The following NCAM2 variants were observed in gnomAD, a reference collection of about 807,000 sequenced individuals.
NCAM2 encodes the protein N-CAM-2.
A neutral mutation model predicts 98.1 loss-of-function variants in NCAM2; 30 were observed. The observed-to-expected ratio is 0.31, with a 90% CI of 0.23 to 0.41. The LOEUF (loss-of-function observed/expected upper bound fraction) is 0.41. NCAM2 is among the 10% of genes least tolerant of loss of function. NCAM2 has a pLI of 1.00. For missense variants in NCAM2, 867 were observed against 1,005.8 expected (o/e 0.86, Z 1.87); for synonymous variants, 368 against 342.4 (o/e 1.07, Z -0.83).
chr21:21,437,462 C>T (rs1358132112), intron 12 of NCAM2, among the ~76,000 whole-genome samples: 1 of 92,830 alleles, frequency 1.1e-5, no homozygotes, highest in Non-Finnish European at 2.2e-5. Flanking sequence ...TATCCAATCC[C>T]CCACCAAGAT....
chr21:21,083,822 C>T (rs1351238103), intron 1 of NCAM2, among the ~76,000 whole-genome samples: 1 of 152,156 alleles, frequency 6.6e-6, no homozygotes, highest in East Asian at 1.9e-4. Context: ...CTCCCAATGA[C>T]AGCATTTTGG....
chr21:21,157,762 G>T (rs2067659906), intron 1 of NCAM2, among the ~76,000 whole-genome samples: 1 of 152,058 alleles, frequency 6.6e-6, no homozygotes, highest in South Asian at 2.1e-4. Context: ...ACCATGACAG[G>T]TGAAGTTTAA....
chr21:21,234,511 AAG>A (rs2070744701), intron 1 of NCAM2, among the ~76,000 whole-genome samples: 1 of 151,966 alleles, frequency 6.6e-6, no homozygotes, highest in Non-Finnish European at 1.5e-5. Flanking sequence ...CTCTTTTCTT[AAG>A]AGAGTGTTGA....
rs9974050 is a variant in NCAM2, at chr21:21,517,908, T to A, written c.2282+8853T>A. Among the ~76,000 whole-genome samples, 1,016 of 152,224 alleles carry A rather than the reference T, an allele frequency of 6.7e-3. 10 individuals are homozygous for A. The highest frequency in any genetic ancestry group is 0.023 in the African/African-American group (976 of 41,546). ...GTAAGAGAGTACCATTTTCAGCCTATTTTTAAGTAGCTGTGAAAAGATTCC... is the reference window on the plus strand; with the variant it reads ...GTAAGAGAGTACCATTTTCAGCCTAATTTTAAGTAGCTGTGAAAAGATTCC... On this transcript the variant is annotated intron_variant, in intron 16 of 17. Transcript: ENST00000400546.
chr21:21,041,511 A>G (rs531625921), intron 1 of NCAM2, among the ~76,000 whole-genome samples: 1 of 152,294 alleles, frequency 6.6e-6, no homozygotes, highest in Admixed American at 6.5e-5. Context: ...TCTTTAAACC[A>G]TTACCTCGTA....
At chr21:21,458,469 C>A (rs1248329281) in intron 12 of NCAM2, among the ~76,000 whole-genome samples, 2 of 152,190 alleles carry the variant, frequency 1.3e-5, no homozygotes, top group Non-Finnish European at 2.9e-5. Context: ...CACTTAGGGG[C>A]AGTGTGGGAG....
intron 1 of NCAM2, among the ~76,000 whole-genome samples, chr21:21,029,147 G>A (rs1894738760): frequency 6.6e-6 from 1 of 152,112 alleles, no homozygotes; most frequent in Non-Finnish European, 1.5e-5. Context: ...CATATAAACT[G>A]TTCATTAACA....
intron 1 of NCAM2, among the ~76,000 whole-genome samples, chr21:21,103,567 C>G (rs1016778439): frequency 1.3e-5 from 2 of 152,012 alleles, no homozygotes; most frequent in Admixed American, 6.6e-5. Flanking sequence ...AGAGTTTGCA[C>G]TAAATGAACT....
chr21:21,252,536 AG>A (rs1000969460), intron 1 of NCAM2, among the ~76,000 whole-genome samples: 8 of 152,068 alleles, frequency 5.3e-5, no homozygotes, highest in African/African-American at 1.7e-4. Context: ...GAGCTACGAA[AG>A]AAAATTTTTC....
intron 5 of NCAM2, among the ~76,000 whole-genome samples, chr21:21,317,074 C>G (rs181322975): frequency 1.4e-3 from 219 of 152,256 alleles, no homozygotes; most frequent in African/African-American, 5.1e-3. Flanking sequence ...ATACAAGACA[C>G]CAAGCCCACA....
At chr21:21,273,526 C>T (rs2147447941) in intron 1 of NCAM2, among the ~76,000 whole-genome samples, 1 of 151,982 alleles carries the variant, frequency 6.6e-6, no homozygotes, top group Admixed American at 6.6e-5. Flanking sequence ...GTATCTCATT[C>T]TTAAGTAAAA....
intron 1 of NCAM2, among the ~76,000 whole-genome samples, chr21:21,092,915 A>C (rs1461461992): frequency 1.3e-5 from 2 of 152,102 alleles, no homozygotes; most frequent in Non-Finnish European, 2.9e-5. Flanking sequence ...AACAAAGCTA[A>C]CAATGTAAGT....
intron 1 of NCAM2, among the ~76,000 whole-genome samples, chr21:21,144,216 G>A (rs2146668055): frequency 6.6e-6 from 1 of 152,012 alleles, no homozygotes; most frequent in African/African-American, 2.4e-5. Flanking sequence ...AGGTGTGGTG[G>A]TGCATGCCTG....
intron 12 of NCAM2, among the ~76,000 whole-genome samples, chr21:21,458,881 A>T (rs1000921228): frequency 8.5e-5 from 13 of 152,200 alleles, no homozygotes; most frequent in Non-Finnish European, 1.8e-4. Context: ...TCCGCACATA[A>T]AAGGAAACAA....
At chr21:21,511,860 T>G (rs927230896) in intron 16 of NCAM2, among the ~76,000 whole-genome samples, 3 of 152,030 alleles carry the variant, frequency 2.0e-5, no homozygotes, top group African/African-American at 7.2e-5. Flanking sequence ...GCTGAGCATT[T>G]TTTGTATACT....
In NCAM2 at chr21:21,466,666, T is replaced by A. The variant is rs1296866241; in HGVS notation, c.1715T>A (p.Val572Glu). 6.2e-7 allele frequency: 1 copy of A among 1,610,500 alleles called. No individual in the cohort carries two copies. Among genetic ancestry groups the A allele is most frequent in the South Asian group, 1.1e-5 (1 of 90,854 alleles). The change falls in exon 13 of 18, where the codon GTA becomes GAA. Residue 572 changes from valine (V) to glutamate (E), a missense_variant. Coordinates refer to ENST00000400546, the MANE Select transcript of NCAM2 (RefSeq NM_004540.5). Reference protein sequence around the residue: ...NTTYEIRVAAVNGKGQGDYSK... With the variant: ...NTTYEIRVAAENGKGQGDYSK... The stretch of plus-strand genomic sequence containing the variant: ...ACTTATGAAATCAGGGTTGCAGCTG[T>A]AAATGGAAAGGGACAAGGAGACTAC...
At chr21:21,186,347 T>C (rs1050570326) in intron 1 of NCAM2, among the ~76,000 whole-genome samples, 3 of 152,102 alleles carry the variant, frequency 2.0e-5, no homozygotes, top group Non-Finnish European at 4.4e-5. Context: ...ATGTTTCAAG[T>C]TTACATTTGA....
chr21:21,259,787 C>G (rs568946980), intron 1 of NCAM2, among the ~76,000 whole-genome samples: 86 of 152,116 alleles, frequency 5.7e-4, no homozygotes, highest in African/African-American at 2.0e-3. Context: ...CCAAAACACT[C>G]ATTACAGAGC....
chr21:21,299,934 C>T (rs1601907697), intron 5 of NCAM2, among the ~76,000 whole-genome samples: 1 of 151,862 alleles, frequency 6.6e-6, no homozygotes, highest in Non-Finnish European at 1.5e-5. Context: ...CACATTCTTC[C>T]CATATACTTT....
Sources: gnomAD v4.1 joint callset for allele counts (sites outside exome capture counted in the v4.1 genomes callset) on GRCh38, gnomAD v4.1.1 for gene constraint, MANE v1.5 for transcripts, NCBI Gene and HGNC (gene_info 2026-07-23, HGNC 2026-07-21) for gene names.